Variants in DNAH11 observed in about 807,000 individuals in gnomAD.
DNAH11 encodes axonemal beta dynein heavy chain 11.
DNAH11 carries 442 observed loss-of-function variants against 526.0 expected under a neutral mutation model. That is an observed-to-expected ratio of 0.84 (90% CI 0.78 to 0.91). The LOEUF (loss-of-function observed/expected upper bound fraction) is 0.91, where lower values mean the gene tolerates loss of function less well. DNAH11 is among the 40% of genes least tolerant of loss of function. The pLI, the probability that DNAH11 is intolerant of heterozygous loss-of-function variation, is 0.00. For missense variants in DNAH11, 6,989 were observed against 5,448.7 expected (o/e 1.28, Z -8.90); for synonymous variants, 2,461 against 1,935.9 (o/e 1.27, Z -7.12).
intron 56 of DNAH11, among the ~76,000 whole-genome samples, chr7:21,778,406 G>A (rs1787776836): frequency 6.6e-6 from 1 of 152,122 alleles, no homozygotes; most frequent in African/African-American, 2.4e-5. Context: ...GATCATAAAT[G>A]AGGTGAAAAA....
intron 20 of DNAH11, among the ~76,000 whole-genome samples, chr7:21,612,629 A>G (rs1164579651): frequency 6.6e-6 from 1 of 151,744 alleles, no homozygotes; most frequent in Non-Finnish European, 1.5e-5. Flanking sequence ...AGCTTTCAAG[A>G]AACGGATCTC....
In DNAH11 at chr7:21,591,378, T is replaced by G. The variant is rs1784678884; in HGVS notation, c.2468T>G (p.Leu823Trp). 6.2e-7 allele frequency: 1 copy of G among 1,613,806 alleles called. No individual in the cohort carries two copies. Among genetic ancestry groups the G allele is most frequent in the African/African-American group, 1.3e-5 (1 of 74,994 alleles). Residue 823 changes from leucine (L) to tryptophan (W), a missense_variant, in exon 14 of 82, where the codon TTG (leucine) becomes TGG (tryptophan). By Grantham distance (61) the Leu-to-Trp change is moderately conservative. Coordinates refer to ENST00000409508, the MANE Select transcript of DNAH11 (RefSeq NM_001277115.2). ...IERVRAATSE[L>W]EHRVERTQKN... is the part of the protein sequence containing the mutation. Reference sequence around the variant, plus strand: ...AGGGTGAGGGCAGCCACGTCCGAGTTGGAGCACAGAGTTGAGCGCACACAG... The same window carrying G: ...AGGGTGAGGGCAGCCACGTCCGAGTGGGAGCACAGAGTTGAGCGCACACAG...
At chr7:21,639,776 C>T (rs1335496670) in intron 28 of DNAH11, among the ~76,000 whole-genome samples, 1 of 152,194 alleles carries the variant, frequency 6.6e-6, no homozygotes. Flanking sequence ...ACAGTTGTGG[C>T]TGACATAGCT....
At chr7:21,787,632 C>A (rs756394184) in intron 60 of DNAH11, 49 bp downstream of exon 60, 104 of 1,459,572 alleles carry the variant, frequency 7.1e-5, no homozygotes, top group Non-Finnish European at 9.3e-5. Context: ...CAAAGGGCTG[C>A]AAACACATCA....
intron 25 of DNAH11, among the ~76,000 whole-genome samples, chr7:21,632,379 C>T (rs1013457475): frequency 8.5e-5 from 13 of 152,180 alleles, no homozygotes; most frequent in African/African-American, 2.7e-4. Flanking sequence ...TTGAATTTCT[C>T]CTCAGAATAT....
intron 36 of DNAH11, among the ~76,000 whole-genome samples, chr7:21,701,769 C>T (rs1462519018): frequency 6.6e-6 from 1 of 152,142 alleles, no homozygotes; most frequent in Non-Finnish European, 1.5e-5. Flanking sequence ...CATATTAATT[C>T]ACTTTACTCC....
Position 21,816,478 on chromosome 7 carries a change from A to G in DNAH11, c.10344A>G (p.Pro3448=). The change falls in exon 64 of 82, where the codon CCA becomes CCG. Residue 3448 remains proline, a synonymous_variant. Coordinates refer to ENST00000409508, the MANE Select transcript of DNAH11 (RefSeq NM_001277115.2). ...CTCTGATTTTAAAGGTTTCCATTCC[A>G]CTAACCGAAGGCCTGGACTTGATAT... is the stretch of plus-strand genomic sequence containing the variant. ...VPFLQQKVSI[P]LTEGLDLISM... The G allele has an allele frequency of 6.2e-7, 1 of 1,605,392 alleles. No individual in the cohort carries two copies. Among genetic ancestry groups the G allele is most frequent in the Non-Finnish European group, 8.5e-7 (1 of 1,176,154 alleles).
chr7:21,760,815 G>A (rs1445333125), intron 54 of DNAH11, among the ~76,000 whole-genome samples: 2 of 151,994 alleles, frequency 1.3e-5, no homozygotes, highest in Non-Finnish European at 2.9e-5. Flanking sequence ...CCACCAGTCT[G>A]TGTAGCCCTT....
At chr7:21,817,042 G>C (rs1012484254) in intron 64 of DNAH11, among the ~76,000 whole-genome samples, 1 of 152,020 alleles carries the variant, frequency 6.6e-6, no homozygotes, top group Non-Finnish European at 1.5e-5. Context: ...ATTGTCAAGG[G>C]TGCCTCCGGG....
chr7:21,827,325 A>G (rs968768247), intron 65 of DNAH11, among the ~76,000 whole-genome samples: 9 of 152,176 alleles, frequency 5.9e-5, no homozygotes, highest in Non-Finnish European at 2.9e-5. Context: ...TTCCAAAGCA[A>G]ATTTACTGGC....
chr7:21,661,511 A>G (rs1360734729), intron 30 of DNAH11, among the ~76,000 whole-genome samples: 1 of 151,962 alleles, frequency 6.6e-6, no homozygotes, highest in Non-Finnish European at 1.5e-5. Context: ...TTATTGTAAA[A>G]TCTTATGTCA....
intron 39 of DNAH11, among the ~76,000 whole-genome samples, chr7:21,707,415 TTG>T (rs1784309331): frequency 6.6e-6 from 1 of 152,258 alleles, no homozygotes. Flanking sequence ...GTCCTCCACT[TTG>T]TACACATGAT....
At chr7:21,556,938 G>T (rs921864139) in intron 2 of DNAH11, among the ~76,000 whole-genome samples, 2 of 151,996 alleles carry the variant, frequency 1.3e-5, no homozygotes, top group Admixed American at 6.6e-5. Context: ...GCACATGCTT[G>T]TAATCCTGGC....
intron 41 of DNAH11, 99 bp from the exon 42 acceptor site, chr7:21,711,613 C>G: frequency 1.3e-6 from 2 of 1,487,416 alleles, no homozygotes; most frequent in South Asian, 2.9e-5. Flanking sequence ...AGAGTGAGCA[C>G]ACAGCCTGTG....
chr7:21,694,379 G>C (rs977477613), intron 35 of DNAH11, among the ~76,000 whole-genome samples: 1 of 152,068 alleles, frequency 6.6e-6, no homozygotes, highest in Middle Eastern at 3.2e-3. Context: ...GCCCTGGTGT[G>C]TGATGTTCCC....
chr7:21,684,885 C>A (rs1285041495), intron 32 of DNAH11, among the ~76,000 whole-genome samples: 1 of 152,232 alleles, frequency 6.6e-6, no homozygotes, highest in Non-Finnish European at 1.5e-5. Flanking sequence ...CACATTTAAT[C>A]TTTGGCATTC....
At chr7:21,724,855 C>G (rs1358635788) in intron 44 of DNAH11, among the ~76,000 whole-genome samples, 1 of 119,464 alleles carries the variant, frequency 8.4e-6, no homozygotes, top group Admixed American at 8.8e-5. Flanking sequence ...AGTGACTGGA[C>G]CAGATCATCC....
intron 14 of DNAH11, among the ~76,000 whole-genome samples, chr7:21,593,049 T>A (rs1190732809): frequency 1.3e-5 from 2 of 152,240 alleles, no homozygotes; most frequent in African/African-American, 4.8e-5. Context: ...TAGAGCCATA[T>A]AATTAGATTA....
At chr7:21,688,897 C>G (rs941477708) in intron 34 of DNAH11, among the ~76,000 whole-genome samples, 5 of 152,190 alleles carry the variant, frequency 3.3e-5, no homozygotes, top group Non-Finnish European at 7.4e-5. Flanking sequence ...ACAGGGCAAT[C>G]TTATTTATCT....
Sources: gnomAD v4.1 joint callset for allele counts (sites outside exome capture counted in the v4.1 genomes callset) on GRCh38, gnomAD v4.1.1 for gene constraint, MANE v1.5 for transcripts, NCBI Gene and HGNC (gene_info 2026-07-23, HGNC 2026-07-21) for gene names.